Variants in TRPM7 observed in about 807,000 individuals in gnomAD.
TRPM7 encodes LTRPC ion channel family member 7.
Under a neutral mutation model 229.7 loss-of-function variants are expected in TRPM7, and 134 were observed. The ratio of observed to expected loss-of-function variants is 0.58; its 90% CI spans 0.51 to 0.67. The LOEUF (loss-of-function observed/expected upper bound fraction) is 0.67, where lower values mean the gene tolerates loss of function less well. Ranked by LOEUF, TRPM7 falls within the 30% of genes least tolerant of loss-of-function variation. The pLI, the probability that TRPM7 is intolerant of heterozygous loss-of-function variation, is 0.00. For missense variants in TRPM7, 1,901 were observed against 2,210.0 expected, an observed-to-expected ratio of 0.86 and a Z score of 2.80; for synonymous variants, 699 against 715.2, an observed-to-expected ratio of 0.98 and a Z score of 0.36.
chr15:50,671,565 G>A (rs8026094), intron 1 of TRPM7, among the ~76,000 whole-genome samples: 1 of 152,110 alleles, frequency 6.6e-6, no homozygotes, highest in Non-Finnish European at 1.5e-5. Flanking sequence ...GCACCTTGCC[G>A]TGGGAGGAGG....
chr15:50,595,814 A>C (rs1244193912), intron 23 of TRPM7, among the ~76,000 whole-genome samples: 2 of 152,204 alleles, frequency 1.3e-5, no homozygotes, highest in African/African-American at 4.8e-5. Context: ...CAGTGAGCCA[A>C]GATTGTGCCA....
intron 38 of TRPM7, among the ~76,000 whole-genome samples, chr15:50,564,860 G>A (rs1384076054): frequency 2.0e-5 from 3 of 152,026 alleles, no homozygotes; most frequent in South Asian, 4.1e-4. Context: ...GCTAATCTGC[G>A]ATTACTGTAC....
chr15:50,663,069 A>G (rs765057601), intron 1 of TRPM7, 23 bp from the exon 2 acceptor site: 1 of 1,570,904 alleles, frequency 6.4e-7, no homozygotes, highest in Non-Finnish European at 8.7e-7. Context: ...GTTTTAAAGA[A>G]TTGTTTATAA....
In TRPM7 at chr15:50,562,197, A is replaced by T. The variant is rs529184664; in HGVS notation, c.5468-389T>A. Among the ~76,000 whole-genome samples, 8 of 152,246 alleles carry T rather than the reference A, an allele frequency of 5.3e-5. No homozygotes were observed. The East Asian group carries it at 1.5e-3, about 29-fold the overall frequency. On this transcript the variant is annotated intron_variant, in intron 38 of 38. Transcript: ENST00000646667. The stretch of plus-strand genomic sequence containing the variant: ...AGGTGTGAGCCACCATGCCCGGCTG[A>T]ATTAGGATCATTTCTAATCAATTTT...
chr15:50,612,122 T>A (rs745531315), intron 16 of TRPM7, among the ~76,000 whole-genome samples: 1 of 152,186 alleles, frequency 6.6e-6, no homozygotes, highest in Non-Finnish European at 1.5e-5. Context: ...ACAGGGTCTA[T>A]TGCTGTCACC....
At chr15:50,623,502 C>T (rs963446614) in intron 12 of TRPM7, among the ~76,000 whole-genome samples, 1 of 149,410 alleles carries the variant, frequency 6.7e-6, no homozygotes, top group Non-Finnish European at 1.5e-5. Flanking sequence ...CTCCCCGCCC[C>T]GCCCTGGATT....
At chr15:50,567,139 T>C (rs73408921) in intron 38 of TRPM7, among the ~76,000 whole-genome samples, 3,098 of 152,162 alleles carry the variant, frequency 0.02, 121 homozygotes, top group African/African-American at 0.071. Context: ...TTAAAGAAAT[T>C]AAATGCTTAG....
chr15:50,573,577 T>A (rs968209551), intron 36 of TRPM7, among the ~76,000 whole-genome samples: 5 of 152,222 alleles, frequency 3.3e-5, no homozygotes, highest in Middle Eastern at 3.2e-3. Flanking sequence ...GCAGTTGTTT[T>A]AAATCCACTA....
At chr15:50,581,688 G>T (rs1313084325) in intron 29 of TRPM7, among the ~76,000 whole-genome samples, 1 of 151,866 alleles carries the variant, frequency 6.6e-6, no homozygotes, top group Admixed American at 6.6e-5. Context: ...CTAGGTGTGG[G>T]TTTATTTTTA....
chr15:50,581,900 T>C (rs1258478757), intron 29 of TRPM7, among the ~76,000 whole-genome samples: 1 of 152,210 alleles, frequency 6.6e-6, no homozygotes, highest in South Asian at 2.1e-4. Context: ...CTTTAATCTG[T>C]TGCATTCTGA....
At chr15:50,679,538 A>ATATATATATATATTTTT (rs1400383980) in intron 1 of TRPM7, among the ~76,000 whole-genome samples, 2 of 43,904 alleles carry the variant, frequency 4.6e-5, no homozygotes, top group African/African-American at 2.1e-4. Context: ...ATATATATAT[A>ATATATATATATATTTTT]TTTTTTTTTT....
At chr15:50,599,492 A>AAAAATTTATATAGCTT in intron 21 of TRPM7, 196 bp from the exon 22 acceptor site, 1 of 389,020 alleles carries the variant, frequency 2.6e-6, no homozygotes, top group South Asian at 7.4e-5. Flanking sequence ...GAGATTACGT[A>AAAAATTTATATAGCTT]AAAAAAAATC....
At chr15:50,637,870 A>C (rs573465413) in intron 6 of TRPM7, among the ~76,000 whole-genome samples, 1 of 152,344 alleles carries the variant, frequency 6.6e-6, no homozygotes, top group Non-Finnish European at 1.5e-5. Flanking sequence ...TAAATAACTA[A>C]ATAGTGCAAA....
chr15:50,678,562 A>G (rs2062157298), intron 1 of TRPM7, among the ~76,000 whole-genome samples: 2 of 149,956 alleles, frequency 1.3e-5, no homozygotes, highest in South Asian at 2.1e-4. Flanking sequence ...ACACATATAC[A>G]TAATTTTATT....
At position 50,686,545 on chromosome 15, in the gene TRPM7, G is replaced by T; in HGVS notation, c.-12C>A. On this transcript the variant is annotated 5_prime_UTR_variant, in exon 1 of 39. Coordinates refer to ENST00000646667, the MANE Select transcript of TRPM7 (RefSeq NM_017672.6). ...GGGTCCAGTACCATTCTCCTCACGG[G>T]GCGGACTCCGGAAGGGCAGCAACTC... is the stretch of plus-strand genomic sequence containing the variant. 6.2e-7 allele frequency: 1 copy of T among 1,610,228 alleles called. No individual in the cohort carries two copies. Among genetic ancestry groups the T allele is most frequent in the Non-Finnish European group, 8.5e-7 (1 of 1,177,928 alleles).
At chr15:50,568,121 A>C (rs1346819048) in intron 38 of TRPM7, among the ~76,000 whole-genome samples, 1 of 151,014 alleles carries the variant, frequency 6.6e-6, no homozygotes, top group Admixed American at 6.6e-5. Context: ...CAAAAAAAAA[A>C]AAAAAAAAAA....
chr15:50,629,310 T>C (rs1164926326), intron 10 of TRPM7, among the ~76,000 whole-genome samples: 1 of 149,722 alleles, frequency 6.7e-6, no homozygotes, highest in Non-Finnish European at 1.5e-5. Flanking sequence ...TCTCTCCCTG[T>C]TGTCCAGGCT....
At chr15:50,601,680 A>G (rs1015272157) in intron 21 of TRPM7, among the ~76,000 whole-genome samples, 1 of 152,142 alleles carries the variant, frequency 6.6e-6, no homozygotes, top group Non-Finnish European at 1.5e-5. Flanking sequence ...TTTAAAAATG[A>G]GGATTCTTAT....
At chr15:50,629,640 A>T (rs1217819727) in intron 10 of TRPM7, among the ~76,000 whole-genome samples, 1 of 152,086 alleles carries the variant, frequency 6.6e-6, no homozygotes, top group Admixed American at 6.5e-5. Flanking sequence ...TCTAAGAGGT[A>T]GTCATCTTTT....
Sources: gnomAD v4.1 joint callset for allele counts (sites outside exome capture counted in the v4.1 genomes callset) on GRCh38, gnomAD v4.1.1 for gene constraint, MANE v1.5 for transcripts, NCBI Gene and HGNC (gene_info 2026-07-23, HGNC 2026-07-21) for gene names.